The following SOX30 variants were observed in gnomAD, a reference collection of about 807,000 sequenced individuals.
The protein encoded by SOX30 is SRY-box transcription factor 30, also known as transcription factor SOX-30.
In SOX30, 17 loss-of-function variants were observed where a neutral mutation model predicts 58.6. The observed-to-expected ratio is 0.29, with a 90% CI of 0.20 to 0.44. SOX30 has a LOEUF of 0.44. SOX30 is among the 20% of genes least tolerant of loss of function. The pLI, the probability that SOX30 is intolerant of heterozygous loss-of-function variation, is 1.00. For missense variants in SOX30, 951 were observed against 965.8 expected (o/e 0.98, Z 0.20); for synonymous variants, 421 against 400.2 (o/e 1.05, Z -0.62).
chr5:157,627,711 T>C (rs1758691220), intron 4 of SOX30, among the ~76,000 whole-genome samples: 2 of 152,002 alleles, frequency 1.3e-5, no homozygotes, highest in Admixed American at 1.3e-4. Context: ...TTATGGTTTT[T>C]TGGCCGGGCG....
intron 4 of SOX30, among the ~76,000 whole-genome samples, chr5:157,630,929 A>ATTTT (rs529224130): frequency 7.6e-6 from 1 of 132,386 alleles, no homozygotes; most frequent in African/African-American, 2.8e-5. Flanking sequence ...TATATTATAT[A>ATTTT]TTATATATAT....
chr5:157,649,993 C>T (rs186902965), intron 1 of SOX30, among the ~76,000 whole-genome samples: 140 of 152,250 alleles, frequency 9.2e-4, no homozygotes, highest in African/African-American at 3.1e-3. Flanking sequence ...AGGCGGAGGA[C>T]TGCTTCATCC....
chr5:157,636,893 C>T (rs1434228844), intron 4 of SOX30, among the ~76,000 whole-genome samples: 2 of 152,122 alleles, frequency 1.3e-5, no homozygotes, highest in Non-Finnish European at 2.9e-5. Flanking sequence ...CTTGGGAGGC[C>T]GAGATGGGCA....
rs550648275 is a variant in SOX30, at chr5:157,626,251, A to G, written c.*89T>C. On this transcript the variant is annotated 3_prime_UTR_variant, in exon 5 of 5. Transcript: ENST00000265007. ...AAATCACGACTGAAAACTTTCAACA[A>G]AGAATTCTAGGCTTTTTTTTTTCTC... is the stretch of plus-strand genomic sequence containing the variant. 5 of 1,243,404 alleles carry G rather than the reference A, an allele frequency of 4.0e-6. No homozygotes were observed. In the South Asian group the frequency reaches 8.8e-5, roughly 22 times the overall value. The allele number at this position is 1,243,404 out of a possible 1,614,324, so 77.0% of individuals were successfully genotyped here.
At chr5:157,647,517 C>A (rs937230030) in intron 2 of SOX30, among the ~76,000 whole-genome samples, 1 of 152,118 alleles carries the variant, frequency 6.6e-6, no homozygotes, top group Non-Finnish European at 1.5e-5. Flanking sequence ...CTGTAAGTTA[C>A]AATCATCTAT....
intron 2 of SOX30, among the ~76,000 whole-genome samples, chr5:157,666,969 G>A (rs543214780): frequency 3.9e-5 from 6 of 152,214 alleles, no homozygotes; most frequent in Admixed American, 3.9e-4. Context: ...GCCTCCCAAA[G>A]TGCTGGGATT....
At chr5:157,643,178 C>T (rs1401989425) in intron 3 of SOX30, among the ~76,000 whole-genome samples, 5 of 152,050 alleles carry the variant, frequency 3.3e-5, no homozygotes, top group Admixed American at 2.0e-4. Flanking sequence ...AATCTCAGCA[C>T]TTTGGGAGGC....
At chr5:157,662,758 A>G (rs1368269128) in intron 2 of SOX30, among the ~76,000 whole-genome samples, 1 of 152,184 alleles carries the variant, frequency 6.6e-6, no homozygotes. Flanking sequence ...CTTATATCTG[A>G]TAAGAAACAT....
chr5:157,667,754 A>G (rs1238258415), intron 2 of SOX30: 9 of 1,424,686 alleles, frequency 6.3e-6, no homozygotes, highest in East Asian at 2.7e-5. Flanking sequence ...ACATACATAC[A>G]TACATACATA....
intron 3 of SOX30, among the ~76,000 whole-genome samples, chr5:157,643,101 G>GACA (rs200189852): frequency 0.043 from 6,424 of 149,898 alleles, 200 homozygotes; most frequent in Middle Eastern, 0.11. Context: ...GAAGAAAACG[G>GACA]ACAACAACAA....
chr5:157,645,693 G>T (rs549244277), intron 3 of SOX30, among the ~76,000 whole-genome samples: 2 of 151,466 alleles, frequency 1.3e-5, no homozygotes, highest in African/African-American at 4.8e-5. Context: ...AGCAAGTAGT[G>T]AATGTATAAA....
intron 2 of SOX30, 118 bp downstream of exon 2, chr5:157,648,539 T>C: frequency 1.1e-6 from 1 of 899,470 alleles, no homozygotes. Context: ...CATTATTCTC[T>C]TTATTGTACA....
At chr5:157,629,807 C>T (rs1398879590) in intron 4 of SOX30, among the ~76,000 whole-genome samples, 1 of 152,098 alleles carries the variant, frequency 6.6e-6, no homozygotes, top group Non-Finnish European at 1.5e-5. Flanking sequence ...TTAAGTAACT[C>T]GCTCAAAGTG....
intron 2 of SOX30, among the ~76,000 whole-genome samples, chr5:157,664,846 A>C (rs928104119): frequency 2.0e-5 from 3 of 152,242 alleles, no homozygotes; most frequent in Non-Finnish European, 2.9e-5. Context: ...CACATGAAAA[A>C]ATGCTCATCA....
chr5:157,638,399 C>A lies in SOX30; in HGVS notation c.1711G>T (p.Val571Phe), dbSNP rs370749800. Reference protein sequence around the residue: ...TIQPPREYSSVSPCPRSAPIP... With the variant: ...TIQPPREYSSFSPCPRSAPIP... ...GGAGCACTTCTGGGACAAGGGGAAACGCTGGAATACTCCCTAGGAGGTTGG... is the reference window on the plus strand; with the variant it reads ...GGAGCACTTCTGGGACAAGGGGAAAAGCTGGAATACTCCCTAGGAGGTTGG... Residue 571 changes from valine to phenylalanine, a missense_variant, in exon 4 of 5, where the codon GTT (valine) becomes TTT (phenylalanine). Val to Phe is a conservative substitution (Grantham distance 50). Around this residue, in one of 7 missense-constraint regions of SOX30, gnomAD observed 381 missense variants for 390.0 expected, o/e 0.98. Transcript: ENST00000265007. 3.7e-6 allele frequency: 6 copies of A among 1,613,708 alleles called. No homozygotes were observed. The South Asian group carries it at 6.6e-5, about 18-fold the overall frequency.
chr5:157,651,013 T>C (rs1367767727), intron 1 of SOX30, 99 bp downstream of exon 1: 2 of 891,172 alleles, frequency 2.2e-6, no homozygotes, highest in African/African-American at 1.7e-5. Flanking sequence ...TCAGTTCCAT[T>C]ACTTTACTTT....
intron 4 of SOX30, among the ~76,000 whole-genome samples, chr5:157,631,447 G>A (rs1758805746): frequency 6.6e-6 from 1 of 152,046 alleles, no homozygotes; most frequent in African/African-American, 2.4e-5. Flanking sequence ...AAAACAAGTT[G>A]GTCCTTTCAG....
intron 3 of SOX30, among the ~76,000 whole-genome samples, chr5:157,642,343 T>C (rs1759086145): frequency 6.6e-6 from 1 of 150,784 alleles, no homozygotes; most frequent in Non-Finnish European, 1.5e-5. Context: ...AGAAGCTTGA[T>C]TGAGAGCCAA....
In SOX30 at chr5:157,638,337, GACAT is replaced by G; in HGVS notation, c.1769_1772del (p.His590ProfsTer76). 2 of 1,613,100 alleles carry G rather than the reference GACAT, an allele frequency of 1.2e-6. No homozygotes were observed. The highest frequency in any genetic ancestry group is 1.7e-6 in the Non-Finnish European group (2 of 1,179,366). ...GATGGCCAAGGGGAGGGGGCTGGTA[GACAT>G]GTGGGTGTGGAATGGGAGAAGCCTG... On this transcript the variant is annotated frameshift_variant, in exon 4 of 5. Coordinates refer to ENST00000265007, the MANE Select transcript of SOX30 (RefSeq NM_178424.2). LOFTEE classifies it high-confidence loss of function.
Sources: allele counts gnomAD v4.1 joint callset (sites outside exome capture counted in the v4.1 genomes callset), GRCh38; gene constraint gnomAD v4.1.1; regional missense constraint gnomAD v4.1.1; transcripts MANE v1.5; gene names NCBI Gene and HGNC (gene_info 2026-07-23, HGNC 2026-07-21).